The following NCOR2 variants were observed in gnomAD, a reference collection of about 807,000 sequenced individuals.
The protein encoded by NCOR2 is nuclear receptor corepressor 2.
In NCOR2, 81 loss-of-function variants were observed where a neutral mutation model predicts 262.9. That is an observed-to-expected ratio of 0.31 (90% CI 0.26 to 0.37). NCOR2 has a LOEUF of 0.37. NCOR2 is among the 10% of genes least tolerant of loss of function. The pLI, the probability that NCOR2 is intolerant of heterozygous loss-of-function variation, is 1.00. For missense variants in NCOR2, 3,385 were observed against 3,621.4 expected (o/e 0.93, Z 1.68); for synonymous variants, 1,659 against 1,559.3 (o/e 1.06, Z -1.51).
At position 124,343,240 on chromosome 12, in the gene NCOR2, A is replaced by G. The variant is rs1566369934; in HGVS notation, c.4715-14T>C. On this transcript the variant is annotated splice_polypyrimidine_tract_variant and intron_variant, in intron 32 of 46. Transcript: ENST00000405201. ...ACGAAAGGCTGCCTGTGGACGGGCA[A>G]GGTGGATGCATCGGGCCTCTGGGGC... 6.2e-7 allele frequency: 1 copy of G among 1,604,980 alleles called. No homozygotes were observed. Among genetic ancestry groups the G allele is most frequent in the East Asian group, 2.2e-5 (1 of 44,672 alleles).
intron 41 of NCOR2, 36 bp downstream of exon 43, chr12:124,334,388 G>A: frequency 2.0e-6 from 3 of 1,476,256 alleles, no homozygotes; most frequent in South Asian, 1.2e-5. Flanking sequence ...CCTCCCGCCG[G>A]CTGACCAGCA....
exon 40 of NCOR2, chr12:124,335,181 C>T (rs2035775483): frequency 1.2e-6 from 2 of 1,611,586 alleles, no homozygotes; most frequent in African/African-American, 1.3e-5. Flanking sequence ...ACCTTTGACC[C>T]CTGGGGCGGT....
chr12:124,415,792 G>A lies in NCOR2; in HGVS notation c.1482+4165C>T, dbSNP rs76666611. The stretch of plus-strand genomic sequence containing the variant: ...CCAGGACATCTCCGGTGTAAAGAGG[G>A]GCATGTTTCCTCCCTGCTATGGAAC... On this transcript the variant is annotated intron_variant, in intron 13 of 46. Transcript: ENST00000405201. Among the ~76,000 whole-genome samples the A allele has an allele frequency of 4.4e-3, 676 of 152,192 alleles. 16 individuals carry two copies. The East Asian group carries it at 0.071, about 16-fold the overall frequency.
At chr12:124,445,893 G>A (rs961584250) in intron 7 of NCOR2, among the ~76,000 whole-genome samples, 2 of 152,226 alleles carry the variant, frequency 1.3e-5, no homozygotes, top group Admixed American at 1.3e-4. Context: ...TGTACGTGCT[G>A]AGCACTGACC....
intron 6 of NCOR2, among the ~76,000 whole-genome samples, chr12:124,455,785 G>A (rs1228156003): frequency 3.3e-5 from 5 of 152,262 alleles, no homozygotes; most frequent in African/African-American, 9.6e-5. Context: ...AGAGAGCACT[G>A]TGGTACTGGG....
intron 1 of NCOR2, among the ~76,000 whole-genome samples, chr12:124,556,685 C>T (rs1258256816): frequency 1.3e-5 from 2 of 152,124 alleles, no homozygotes; most frequent in Non-Finnish European, 2.9e-5. Context: ...CATGGCAAAA[C>T]CCCATCTCTA....
intron 7 of NCOR2, among the ~76,000 whole-genome samples, chr12:124,448,712 G>A (rs945201751): frequency 6.6e-5 from 10 of 151,962 alleles, no homozygotes; most frequent in African/African-American, 2.2e-4. Context: ...CAACAGCAGC[G>A]ATCTCCCCGT....
intron 1 of NCOR2, among the ~76,000 whole-genome samples, chr12:124,512,246 C>G (rs2140106): frequency 0.028 from 4,191 of 152,270 alleles, 177 homozygotes; most frequent in African/African-American, 0.095. Flanking sequence ...AGTTCTGGAG[C>G]CTGGAAGTCC....
Position 124,482,827 on chromosome 12 carries a change from G to C in NCOR2, c.411+769C>G, listed in dbSNP as rs983948671. Among the ~76,000 whole-genome samples, 5 of 152,164 alleles carry C rather than the reference G, an allele frequency of 3.3e-5. No homozygotes were observed. The highest frequency in any genetic ancestry group is 5.9e-5 in the Non-Finnish European group (4 of 68,012). On this transcript the variant is annotated intron_variant, in intron 3 of 46. Transcript: ENST00000405201. The surrounding 1 kb of genome is among the most constrained non-coding windows in gnomAD (Gnocchi z 6.3). Reference sequence around the variant, plus strand: ...AGTGCATCCGTGGTCCCTCAGGCCTGGGTGGCTGCAGACTCAACCCACGCT... The same window carrying C: ...AGTGCATCCGTGGTCCCTCAGGCCTCGGTGGCTGCAGACTCAACCCACGCT...
At chr12:124,376,711 C>A (rs1273682458) in intron 18 of NCOR2, among the ~76,000 whole-genome samples, 3 of 152,224 alleles carry the variant, frequency 2.0e-5, no homozygotes, top group Non-Finnish European at 4.4e-5. Context: ...GCTGGAGGAG[C>A]CTGGATTTAT....
intron 27 of NCOR2, among the ~76,000 whole-genome samples, chr12:124,352,359 T>C (rs918840020): frequency 2.0e-5 from 3 of 152,070 alleles, no homozygotes; most frequent in African/African-American, 7.2e-5. Context: ...GGGCTCTCCA[T>C]GGTGAAACTG....
At chr12:124,435,478 C>T (rs1285469894) in intron 8 of NCOR2, among the ~76,000 whole-genome samples, 1 of 152,230 alleles carries the variant, frequency 6.6e-6, no homozygotes, top group African/African-American at 2.4e-5. Flanking sequence ...GAGGGCTGCC[C>T]GCAGCTTCCC....
At chr12:124,437,874 G>T in intron 8 of NCOR2, 56 bp downstream of exon 10, 1 of 1,535,438 alleles carries the variant, frequency 6.5e-7, no homozygotes, top group Non-Finnish European at 8.9e-7. Context: ...CCCCCTGTGC[G>T]CTCGATTCTC....
intron 7 of NCOR2, among the ~76,000 whole-genome samples, chr12:124,445,563 C>T (rs375879150): frequency 7.2e-5 from 11 of 152,310 alleles, no homozygotes; most frequent in African/African-American, 2.2e-4. Flanking sequence ...GGGGAGGGAA[C>T]GACCTCCCAC....
intron 7 of NCOR2, among the ~76,000 whole-genome samples, chr12:124,448,702 C>T (rs1032311082): frequency 6.6e-6 from 1 of 152,104 alleles, no homozygotes; most frequent in Non-Finnish European, 1.5e-5. Flanking sequence ...CTGGAAACTA[C>T]AACAGCAGCG....
exon 47 of NCOR2, chr12:124,324,652 A>C (rs1421301409): frequency 6.6e-6 from 1 of 152,502 alleles, no homozygotes; most frequent in African/African-American, 2.4e-5. Context: ...TCAAAAGCAC[A>C]GCAGCAGTAA....
chr12:124,393,511 G>A (rs973500489), intron 16 of NCOR2, among the ~76,000 whole-genome samples: 3 of 152,214 alleles, frequency 2.0e-5, no homozygotes, highest in African/African-American at 7.2e-5. Flanking sequence ...GGCTCCCGGT[G>A]GCCCCTCTAC....
At chr12:124,362,413 G>T in intron 21 of NCOR2, 116 bp from the exon 24 acceptor site, 1 of 927,228 alleles carries the variant, frequency 1.1e-6, no homozygotes, top group East Asian at 2.7e-5. Context: ...CCAGCGACAT[G>T]CTCAAGGTCC....
rs1421508973 is a variant in NCOR2, at chr12:124,443,399, C to G, written c.816-5403G>C. The stretch of plus-strand genomic sequence containing the variant: ...CACGCAAGAGGACACGTCAAGTCTG[C>G]AAACACATGTCAAGTCCGCAGGGTG... On this transcript the variant is annotated intron_variant, in intron 7 of 46. Transcript: ENST00000405201. The surrounding 1 kb of genome is among the most constrained non-coding windows in gnomAD (Gnocchi z 4.4). Among the ~76,000 whole-genome samples the G allele has an allele frequency of 1.3e-5, 2 of 152,258 alleles. No homozygotes were observed. Among genetic ancestry groups the G allele is most frequent in the African/African-American group, 2.4e-5 (1 of 41,468 alleles).
Sources: gnomAD v4.1 joint callset for allele counts (sites outside exome capture counted in the v4.1 genomes callset) on GRCh38, gnomAD v4.1.1 for gene constraint, Gnocchi (gnomAD v3.1) non-coding constraint, MANE v1.5 for transcripts, NCBI Gene and HGNC (gene_info 2026-07-23, HGNC 2026-07-21) for gene names.